Variants in DCSTAMP observed in about 807,000 individuals in gnomAD.
The protein encoded by DCSTAMP is dendritic cell-specific transmembrane protein.
Under a neutral mutation model 33.8 loss-of-function variants are expected in DCSTAMP, and 25 were observed. That is an observed-to-expected ratio of 0.74 (90% confidence interval 0.54 to 1.03). DCSTAMP has a LOEUF of 1.03. Among genes scored for constraint, DCSTAMP ranks in the 50% least tolerant of loss-of-function variants. DCSTAMP has a pLI of 0.00. For synonymous variants in DCSTAMP, 245 were observed against 216.7 expected (o/e 1.13, Z -1.15); for missense variants, 531 against 556.8 (o/e 0.95, Z 0.47).
intron 2 of DCSTAMP, among the ~76,000 whole-genome samples, chr8:104,351,513 T>C (rs573538596): frequency 2.0e-5 from 3 of 152,216 alleles, no homozygotes; most frequent in Non-Finnish European, 4.4e-5. Context: ...GACTGCTCCA[T>C]AGGCAGAGAA....
At chr8:104,349,707 G>A in intron 2 of DCSTAMP, 126 bp downstream of exon 2, 1 of 1,068,678 alleles carries the variant, frequency 9.4e-7, no homozygotes, top group South Asian at 1.6e-5. Context: ...GCCCAGCATA[G>A]TGCTTGGCAC....
intron 1 of DCSTAMP, among the ~76,000 whole-genome samples, chr8:104,344,570 G>C (rs1211061833): frequency 6.6e-6 from 1 of 152,110 alleles, no homozygotes; most frequent in Non-Finnish European, 1.5e-5. Flanking sequence ...GAAATTGTTA[G>C]GAATGCCAAC....
At chr8:104,352,102 C>A (rs190275755) in intron 2 of DCSTAMP, among the ~76,000 whole-genome samples, 5 of 152,128 alleles carry the variant, frequency 3.3e-5, no homozygotes, top group Non-Finnish European at 7.3e-5. Context: ...GGAGGAAAAA[C>A]GGCCACAATG....
At chr8:104,344,460 G>C (rs972430398) in intron 1 of DCSTAMP, among the ~76,000 whole-genome samples, 20 of 152,104 alleles carry the variant, frequency 1.3e-4, no homozygotes, top group African/African-American at 4.8e-4. Flanking sequence ...CATATATACA[G>C]CACGCCCAGC....
At chr8:104,350,754 A>C (rs1810438535) in intron 2 of DCSTAMP, among the ~76,000 whole-genome samples, 1 of 152,194 alleles carries the variant, frequency 6.6e-6, no homozygotes, top group Non-Finnish European at 1.5e-5. Flanking sequence ...TCTAGGTCTT[A>C]GAAAGCAAGG....
chr8:104,342,932 T>C (rs920815070), intron 1 of DCSTAMP, among the ~76,000 whole-genome samples: 1 of 152,148 alleles, frequency 6.6e-6, no homozygotes, highest in Non-Finnish European at 1.5e-5. Context: ...GTGGAGCAAG[T>C]GTTCACCTGG....
In DCSTAMP at chr8:104,349,021, C is replaced by A; in HGVS notation, c.469C>A (p.Pro157Thr). The change falls in exon 2 of 4, where the codon CCA becomes ACA. Residue 157 changes from proline (P) to threonine (T), a missense_variant. Coordinates refer to ENST00000297581, the MANE Select transcript of DCSTAMP (RefSeq NM_030788.4). ...TCAGTGGATTTATGGCCTTGCCACT[C>A]CACTAAGTGTATTTGATGACCTTGT... ...AIQWIYGLAT[P>T]LSVFDDLVSW... 2.5e-6 allele frequency: 4 copies of A among 1,614,220 alleles called. No homozygotes were observed. The highest frequency in any genetic ancestry group is 3.4e-6 in the Non-Finnish European group (4 of 1,180,048).
At chr8:104,344,911 G>T (rs923325475) in intron 1 of DCSTAMP, among the ~76,000 whole-genome samples, 1 of 152,086 alleles carries the variant, frequency 6.6e-6, no homozygotes, top group Non-Finnish European at 1.5e-5. Flanking sequence ...TGCCTGGAGG[G>T]TTGTACACCT....
intron 2 of DCSTAMP, 43 bp downstream of exon 2, chr8:104,349,624 G>T: frequency 6.4e-7 from 1 of 1,563,468 alleles, no homozygotes; most frequent in African/African-American, 1.4e-5. Context: ...CCGGCTATTT[G>T]CTGGTCTGTC....
chr8:104,353,138 T>C (rs920672206), intron 2 of DCSTAMP, among the ~76,000 whole-genome samples: 2 of 152,248 alleles, frequency 1.3e-5, no homozygotes, highest in African/African-American at 2.4e-5. Context: ...TTTCTACTTA[T>C]TGGGCACCTA....
Position 104,356,400 on chromosome 8 carries a change from T to A in DCSTAMP, c.*202T>A, listed in dbSNP as rs1361067133. The A allele has an allele frequency of 2.3e-6, 1 of 430,620 alleles. No individual in the cohort carries two copies. Among genetic ancestry groups the A allele is most frequent in the East Asian group, 4.0e-5 (1 of 24,802 alleles). The allele number at this position is 430,620 out of a possible 1,614,324, so 26.7% of individuals were successfully genotyped here. ...AGCTGCCAGGTAAATGGTTATGTGGTCTATGTTCCAAACAAACCACATGAT... is the reference window on the plus strand; with the variant it reads ...AGCTGCCAGGTAAATGGTTATGTGGACTATGTTCCAAACAAACCACATGAT... On this transcript the variant is annotated 3_prime_UTR_variant, in exon 4 of 4. Coordinates refer to ENST00000297581, the MANE Select transcript of DCSTAMP (RefSeq NM_030788.4).
rs185626811 is a variant in DCSTAMP at position 104,342,562 on chromosome 8, C to G, written c.-13+2700C>G. 2.0e-5 allele frequency among the ~76,000 whole-genome samples: 3 copies of G among 152,340 alleles called. No individual in the cohort carries two copies. The East Asian group carries it at 5.8e-4, about 29-fold the overall frequency. On this transcript the variant is annotated intron_variant, in intron 1 of 3. Transcript: ENST00000297581. ...TCCAGCCCCCCAGAGACCCATGGCC[C>G]ACTGGCCCACACCCCACACTCCCAA...
chr8:104,355,965 C>CA (rs1564068598), intron 3 of DCSTAMP, among the ~76,000 whole-genome samples, 159 bp from the exon 4 acceptor site: 1 of 152,206 alleles, frequency 6.6e-6, no homozygotes. Flanking sequence ...AGCCCATAGA[C>CA]AATGGAAGAC....
At position 104,348,630 on chromosome 8, in the gene DCSTAMP, G is replaced by T. The variant is rs758551647; in HGVS notation, c.78G>T (p.Trp26Cys). 1 of 1,614,070 alleles carries T rather than the reference G, an allele frequency of 6.2e-7. No homozygotes were observed. The highest frequency in any genetic ancestry group is 1.3e-5 in the African/African-American group (1 of 74,910). ...ACGTGTCTCCAAGAAGCCCCGGATGGATGGACTTTATCCAGCATTTGGGAG... is the reference window on the plus strand; with the variant it reads ...ACGTGTCTCCAAGAAGCCCCGGATGTATGGACTTTATCCAGCATTTGGGAG... ...EIYVSPRSPG[W>C]MDFIQHLGVC... The change falls in exon 2 of 4, where the codon TGG (tryptophan) becomes TGT (cysteine). Residue 26 changes from tryptophan to cysteine, a missense_variant. By Grantham distance (215) the Trp-to-Cys change is radical. Coordinates refer to ENST00000297581, the MANE Select transcript of DCSTAMP (RefSeq NM_030788.4).
At position 104,349,590 on chromosome 8, in the gene DCSTAMP, C is replaced by T; in HGVS notation, c.1029+9C>T. On this transcript the variant is annotated intron_variant, in intron 2 of 3. Coordinates refer to ENST00000297581, the MANE Select transcript of DCSTAMP (RefSeq NM_030788.4). ...TGAAACTGCACGGAGAGGTAGGGCC[C>T]ACAGGTACTTCTCATGGTTTATCCC... 8.7e-6 allele frequency: 14 copies of T among 1,600,028 alleles called. No individual in the cohort carries two copies. The highest frequency in any genetic ancestry group is 1.2e-5 in the Non-Finnish European group (14 of 1,175,002).
chr8:104,351,605 T>A (rs542271998), intron 2 of DCSTAMP, among the ~76,000 whole-genome samples: 29 of 152,232 alleles, frequency 1.9e-4, no homozygotes, highest in Non-Finnish European at 3.7e-4. Context: ...CTTAATTTTA[T>A]GCTAATTATG....
At chr8:104,345,246 T>C (rs1810273390) in intron 1 of DCSTAMP, among the ~76,000 whole-genome samples, 1 of 152,134 alleles carries the variant, frequency 6.6e-6, no homozygotes, top group Non-Finnish European at 1.5e-5. Flanking sequence ...TTAAGGTGCT[T>C]GCTAAGGTTC....
At chr8:104,353,270 T>G (rs1380603587) in intron 2 of DCSTAMP, among the ~76,000 whole-genome samples, 1 of 152,206 alleles carries the variant, frequency 6.6e-6, no homozygotes, top group Non-Finnish European at 1.5e-5. Context: ...ATATAAATAT[T>G]GAAACGTTGG....
chr8:104,350,419 A>C (rs1810428093), intron 2 of DCSTAMP, among the ~76,000 whole-genome samples: 1 of 152,186 alleles, frequency 6.6e-6, no homozygotes, highest in Non-Finnish European at 1.5e-5. Flanking sequence ...TCCTTATCAA[A>C]TACAAGAGGG....
Sources: gnomAD v4.1 joint callset for allele counts (sites outside exome capture counted in the v4.1 genomes callset) on GRCh38, gnomAD v4.1.1 for gene constraint, MANE v1.5 for transcripts, NCBI Gene and HGNC (gene_info 2026-07-23, HGNC 2026-07-21) for gene names.